The following EPHA5 variants were observed in gnomAD, a reference collection of about 807,000 sequenced individuals.
EPHA5 encodes EPH receptor A5.
In EPHA5, 60 loss-of-function variants were observed where a neutral mutation model predicts 105.0. The ratio of observed to expected loss-of-function variants is 0.57; its 90% CI spans 0.46 to 0.71. EPHA5 has a LOEUF of 0.71. Among genes scored for constraint, EPHA5 ranks in the 30% least tolerant of loss-of-function variants. The pLI, the probability that EPHA5 is intolerant of heterozygous loss-of-function variation, is 0.00. For missense variants in EPHA5, 1,218 were observed against 1,274.7 expected (o/e 0.96, Z 0.68); for synonymous variants, 513 against 449.1 (o/e 1.14, Z -1.80).
intron 5 of EPHA5, among the ~76,000 whole-genome samples, chr4:65,482,502 T>A (rs1202643891): frequency 7.2e-5 from 11 of 152,004 alleles, no homozygotes; most frequent in Non-Finnish European, 1.6e-4. Context: ...GGTTTAGGAG[T>A]ACTTTACCAC....
At chr4:65,490,229 A>T in intron 5 of EPHA5, 148 bp downstream of exon 5, 1 of 621,380 alleles carries the variant, frequency 1.6e-6, no homozygotes, top group East Asian at 2.8e-5. Context: ...AAACTGCAAA[A>T]GCGTTTTTGA....
intron 6 of EPHA5, among the ~76,000 whole-genome samples, chr4:65,417,275 C>T (rs1362428816): frequency 6.6e-6 from 1 of 152,202 alleles, no homozygotes; most frequent in Non-Finnish European, 1.5e-5. Context: ...TGTGTCTGGC[C>T]AAAAGCCATC....
At chr4:65,352,993 A>G (rs1337843926) in intron 12 of EPHA5, 49 bp downstream of exon 12, 2 of 1,292,062 alleles carry the variant, frequency 1.5e-6, no homozygotes, top group Admixed American at 2.1e-5. Context: ...GCACAACATC[A>G]CAATATATAA....
chr4:65,575,005 T>C (rs894301030), intron 3 of EPHA5, among the ~76,000 whole-genome samples: 108 of 151,922 alleles, frequency 7.1e-4, no homozygotes, highest in African/African-American at 2.6e-3. Context: ...GTGTGTACTT[T>C]AGATAAACAC....
intron 5 of EPHA5, among the ~76,000 whole-genome samples, chr4:65,459,113 A>G (rs1727884180): frequency 6.6e-6 from 1 of 152,072 alleles, no homozygotes; most frequent in Non-Finnish European, 1.5e-5. Flanking sequence ...TTTCCTCTGA[A>G]GTTTAAACTG....
At position 65,335,977 on chromosome 4, in the gene EPHA5, A is replaced by G; in HGVS notation, c.2744T>C (p.Ile915Thr). 6.2e-7 allele frequency: 1 copy of G among 1,613,064 alleles called. No individual in the cohort carries two copies. ...CGTCTTCAGACTACTTGGGTTACGT[A>G]TCAGCTTGTCCAACATGTTGACTAT... ...DEIVNMLDKLIRNPSSLKTLV... is the reference protein window; with the variant it reads ...DEIVNMLDKLTRNPSSLKTLV... The change falls in exon 15 of 17, where the codon ATA becomes ACA. Residue 915 changes from isoleucine to threonine, a missense_variant. Ile to Thr is a moderately conservative substitution (Grantham distance 89). Transcript: ENST00000613740.
intron 2 of EPHA5, among the ~76,000 whole-genome samples, chr4:65,629,424 GAA>G (rs1746432326): frequency 6.6e-6 from 1 of 152,102 alleles, no homozygotes; most frequent in South Asian, 2.1e-4. Flanking sequence ...TTATGGAAAA[GAA>G]TGATGATAAA....
chr4:65,572,715 C>T (rs1740321342), intron 3 of EPHA5, among the ~76,000 whole-genome samples: 1 of 152,162 alleles, frequency 6.6e-6, no homozygotes, highest in South Asian at 2.1e-4. Flanking sequence ...ATGTCCTTTA[C>T]TCATTTATTA....
intron 5 of EPHA5, among the ~76,000 whole-genome samples, chr4:65,452,772 T>G (rs1727191409): frequency 6.6e-6 from 1 of 152,176 alleles, no homozygotes; most frequent in Non-Finnish European, 1.5e-5. Flanking sequence ...AATTAGTGTA[T>G]TCAAAAGATT....
chr4:65,546,129 C>T (rs1295424015), intron 3 of EPHA5, among the ~76,000 whole-genome samples: 2 of 151,936 alleles, frequency 1.3e-5, no homozygotes, highest in Non-Finnish European at 2.9e-5. Flanking sequence ...AAGAACCATA[C>T]TTTGGTGAAC....
intron 16 of EPHA5, among the ~76,000 whole-genome samples, chr4:65,326,437 T>G (rs922357163): frequency 2.6e-5 from 4 of 151,362 alleles, no homozygotes; most frequent in Non-Finnish European, 5.9e-5. Flanking sequence ...TCCAAAATTC[T>G]AAAAGAAAAT....
chr4:65,580,142 G>GA (rs199731277), intron 3 of EPHA5, among the ~76,000 whole-genome samples: 1,810 of 151,424 alleles, frequency 0.012, 10 homozygotes, highest in Non-Finnish European at 0.019. Context: ...CTTTTTGAAA[G>GA]AAAAAAAATT....
rs762107798 is a variant in EPHA5, at chr4:65,320,602, T to C, written c.*3512A>G. ...GTCTTCAGAAGGTAAATATCTGTGC[T>C]TGTGCTTCTGAGAACCCACTTTACA... is the stretch of plus-strand genomic sequence containing the variant. On this transcript the variant is annotated 3_prime_UTR_variant, in exon 17 of 17. Coordinates refer to ENST00000613740, the MANE Select transcript of EPHA5 (RefSeq NM_001281766.3). 4.4e-6 allele frequency: 1 copy of C among 229,822 alleles called. No individual in the cohort carries two copies. Among genetic ancestry groups the C allele is most frequent in the Non-Finnish European group, 8.6e-6 (1 of 115,886 alleles). The allele number at this position is 229,822 out of a possible 1,614,324, so 14.2% of individuals were successfully genotyped here. A position where few individuals can be genotyped will look rare whatever the true frequency, so the allele number is the denominator to read the frequency against.
chr4:65,564,860 T>C (rs1241236187), intron 3 of EPHA5, among the ~76,000 whole-genome samples: 2 of 151,774 alleles, frequency 1.3e-5, no homozygotes, highest in Admixed American at 6.6e-5. Context: ...TTCTCATTAC[T>C]TGCATTTCTA....
intron 2 of EPHA5, among the ~76,000 whole-genome samples, chr4:65,615,624 T>C (rs1745161636): frequency 1.3e-5 from 2 of 151,520 alleles, no homozygotes; most frequent in African/African-American, 4.8e-5. Context: ...GTACAGAAAA[T>C]ACATGAAAAG....
intron 8 of EPHA5, among the ~76,000 whole-genome samples, chr4:65,401,915 GAGAGAGAGAGAGAGAGAA>G (rs1333481056): frequency 3.3e-5 from 5 of 151,906 alleles, no homozygotes; most frequent in Admixed American, 1.3e-4. Flanking sequence ...GAGAGAGAGA[GAGAGAGAGAGAGAGAGAA>G]AGAGAGAGAG....
At chr4:65,616,993 T>C (rs1745298929) in intron 2 of EPHA5, among the ~76,000 whole-genome samples, 1 of 152,082 alleles carries the variant, frequency 6.6e-6, no homozygotes, top group Non-Finnish European at 1.5e-5. Context: ...AGAAAAGCGA[T>C]ACAGTAAATT....
At chr4:65,650,335 C>A (rs538821673) in intron 1 of EPHA5, among the ~76,000 whole-genome samples, 39 of 148,704 alleles carry the variant, frequency 2.6e-4, no homozygotes, top group Admixed American at 1.3e-3. Flanking sequence ...ATCACGAGGT[C>A]AGGAGATGGA....
At chr4:65,564,302 A>G (rs990622768) in intron 3 of EPHA5, among the ~76,000 whole-genome samples, 10 of 151,880 alleles carry the variant, frequency 6.6e-5, no homozygotes, top group African/African-American at 2.2e-4. Flanking sequence ...CTACAACCAT[A>G]TCAACAAATA....
Sources: allele counts gnomAD v4.1 joint callset (sites outside exome capture counted in the v4.1 genomes callset), GRCh38; gene constraint gnomAD v4.1.1; transcripts MANE v1.5; gene names NCBI Gene and HGNC (gene_info 2026-07-23, HGNC 2026-07-21).